DDX11: variants seen among roughly 807,000 people sequenced by gnomAD.
DDX11 encodes ATP-dependent DNA helicase DDX11.
DDX11 carries 72 observed loss-of-function variants against 125.2 expected under a neutral mutation model. The observed-to-expected ratio is 0.58, with a 90% CI of 0.48 to 0.70. The LOEUF (loss-of-function observed/expected upper bound fraction) is 0.70. Among genes scored for constraint, DDX11 ranks in the 30% least tolerant of loss-of-function variants. The probability of loss-of-function intolerance (pLI) is 0.00; values close to 1 mark genes in which losing one functional copy is unlikely to be tolerated. For synonymous variants in DDX11, 347 were observed against 452.6 expected (o/e 0.77, Z 2.96); for missense variants, 883 against 1,165.0 (o/e 0.76, Z 3.52).
intron 18 of DDX11, among the ~76,000 whole-genome samples, chr12:31,098,829 A>G (rs1945797586): frequency 6.6e-6 from 1 of 152,174 alleles, no homozygotes; most frequent in Admixed American, 6.5e-5. Context: ...CCTTCCTGCT[A>G]GCTCAGGTCC....
At chr12:31,090,195 C>T in intron 9 of DDX11, 101 bp downstream of exon 9, 1 of 923,132 alleles carries the variant, frequency 1.1e-6, no homozygotes, top group Non-Finnish European at 1.7e-6. Flanking sequence ...ATGCCCCCCA[C>T]CGTGGTCAGG....
chr12:31,097,927 C>T lies in DDX11; in HGVS notation c.1805C>T (p.Pro602Leu). 1.2e-6 allele frequency: 2 copies of T among 1,613,820 alleles called. No individual in the cohort carries two copies. The highest frequency in any genetic ancestry group is 1.7e-6 in the Non-Finnish European group (2 of 1,179,862). ...QSTLKFLLLN[P>L]AVHFAQVVKE... ...ACCCTGAAGTTTTTGCTCCTGAATCCAGCTGTGCACTTTGCCCAAGTGGTG... is the reference window on the plus strand; with the variant it reads ...ACCCTGAAGTTTTTGCTCCTGAATCTAGCTGTGCACTTTGCCCAAGTGGTG... Residue 602 changes from proline to leucine, a missense_variant, in exon 18 of 27, where the codon CCA becomes CTA. Coordinates refer to ENST00000542838, the MANE Select transcript of DDX11 (RefSeq NM_030653.4).
chr12:31,082,985 C>T (rs868838722), intron 2 of DDX11, among the ~76,000 whole-genome samples: 5 of 152,292 alleles, frequency 3.3e-5, no homozygotes, highest in Middle Eastern at 6.8e-3. Context: ...GGCTGGGTCC[C>T]GTCCTAGTAG....
chr12:31,088,413 G>A (rs1457688323), intron 6 of DDX11, among the ~76,000 whole-genome samples: 1 of 152,080 alleles, frequency 6.6e-6, no homozygotes, highest in African/African-American at 2.4e-5. Context: ...TGGGTGGTAC[G>A]GGTAGGACAG....
chr12:31,092,024 T>C (rs529021905), intron 10 of DDX11, among the ~76,000 whole-genome samples, 153 bp downstream of exon 10: 1 of 152,374 alleles, frequency 6.6e-6, no homozygotes, highest in East Asian at 1.9e-4. Context: ...AGGCTGACCA[T>C]GGCTTTCCAG....
chr12:31,100,322 A>C, intron 18 of DDX11: 1 of 272,124 alleles, frequency 3.7e-6, no homozygotes. Context: ...CTTATTCAGT[A>C]GTTTGGGCTG....
Position 31,087,925 on chromosome 12 carries a change from C to G in DDX11, c.639-13C>G, listed in dbSNP as rs754169819. ...GAGGGAAGACTGTTTTCTGTTCTCT[C>G]TCACACACACAGAGTGGATGAGGAT... On this transcript the variant is annotated splice_polypyrimidine_tract_variant and intron_variant, in intron 5 of 26. Coordinates refer to ENST00000542838, the MANE Select transcript of DDX11 (RefSeq NM_030653.4). 98 of 1,608,346 alleles carry G rather than the reference C, an allele frequency of 6.1e-5. No homozygotes were observed. The highest frequency in any genetic ancestry group is 2.7e-4 in the Admixed American group (16 of 58,732).
chr12:31,077,573 T>C (rs373502811), intron 1 of DDX11, among the ~76,000 whole-genome samples: 53 of 151,168 alleles, frequency 3.5e-4, no homozygotes, highest in East Asian at 2.6e-3. Flanking sequence ...GTAGGCCGGG[T>C]GCGGTGGCTC....
At position 31,085,179 on chromosome 12, in the gene DDX11, A is replaced by C. The variant is rs1294284652; in HGVS notation, c.638+53A>C. ...GCCCCAGGCCAGGGGACACCCTTGA[A>C]GACAGCTCTTTCCCTCATGCCACAG... On this transcript the variant is annotated intron_variant, in intron 5 of 26. Coordinates refer to ENST00000542838, the MANE Select transcript of DDX11 (RefSeq NM_030653.4). The C allele has an allele frequency of 3.3e-6, 5 of 1,537,836 alleles. No individual in the cohort carries two copies. In the African/African-American group the frequency reaches 6.9e-5, roughly 21 times the overall value.
intron 5 of DDX11, chr12:31,085,919 C>T: frequency 2.4e-6 from 1 of 421,230 alleles, no homozygotes; most frequent in South Asian, 1.8e-5. Flanking sequence ...CCCGTGTGTC[C>T]TGTGACATCC....
At chr12:31,081,488 G>A (rs991468083) in intron 2 of DDX11, among the ~76,000 whole-genome samples, 1 of 151,938 alleles carries the variant, frequency 6.6e-6, no homozygotes, top group Non-Finnish European at 1.5e-5. Context: ...ACCACTTGGT[G>A]TGTGCTGTGC....
intron 5 of DDX11, among the ~76,000 whole-genome samples, chr12:31,086,511 T>A (rs1173005125): frequency 6.6e-6 from 1 of 152,028 alleles, no homozygotes; most frequent in Non-Finnish European, 1.5e-5. Flanking sequence ...CGTGTTGCTT[T>A]ATGCCTCGCT....
At position 31,104,549 on chromosome 12, in the gene DDX11, T is replaced by A. The variant is rs939270351; in HGVS notation, c.*713T>A. 1 of 163,078 alleles carries A rather than the reference T, an allele frequency of 6.1e-6. No individual in the cohort carries two copies. The highest frequency in any genetic ancestry group is 2.4e-5 in the African/African-American group (1 of 41,594). The allele number at this position is 163,078 out of a possible 1,614,324, so 10.1% of individuals were successfully genotyped here. ...AGGGCCGTTAGGCTCTCAACATGAC[T>A]ATAGAGACCCCGTGTCATCACGGAG... On this transcript the variant is annotated 3_prime_UTR_variant, in exon 27 of 27. Coordinates refer to ENST00000542838, the MANE Select transcript of DDX11 (RefSeq NM_030653.4).
At chr12:31,089,532 A>G (rs1592683681) in intron 8 of DDX11, 42 bp downstream of exon 8, 2 of 1,581,552 alleles carry the variant, frequency 1.3e-6, no homozygotes, top group Non-Finnish European at 1.7e-6. Context: ...TGGTCTGGAG[A>G]GAGTGAGGCA....
intron 2 of DDX11, among the ~76,000 whole-genome samples, chr12:31,078,823 G>A (rs1941251365): frequency 6.6e-6 from 1 of 152,016 alleles, no homozygotes; most frequent in Non-Finnish European, 1.5e-5. Context: ...GAGTTGCTGG[G>A]ACTACAGGTG....
Position 31,097,964 on chromosome 12 carries a change from G to T in DDX11, c.1842G>T (p.Arg614=). ...TTGCCCAAGTGGTGAAGGAATGCCGGGCAGTGGTCATTGCGGGGGGTACCA... is the reference window on the plus strand; with the variant it reads ...TTGCCCAAGTGGTGAAGGAATGCCGTGCAGTGGTCATTGCGGGGGGTACCA... ...VHFAQVVKEC[R]AVVIAGGTMQ... Residue 614 remains arginine, a synonymous_variant, in exon 18 of 27, where the codon CGG becomes CGT. Transcript: ENST00000542838. 6.2e-7 allele frequency: 1 copy of T among 1,613,880 alleles called. No homozygotes were observed. The highest frequency in any genetic ancestry group is 1.7e-5 in the Admixed American group (1 of 60,018).
intron 18 of DDX11, among the ~76,000 whole-genome samples, chr12:31,099,068 A>ATTTC (rs1319641629): frequency 1.9e-4 from 20 of 105,550 alleles, no homozygotes; most frequent in African/African-American, 2.5e-4. Context: ...CCATACTGGT[A>ATTTC]TTTCTTTCTT....
At chr12:31,080,170 A>G (rs184960731) in intron 2 of DDX11, among the ~76,000 whole-genome samples, 1,764 of 148,190 alleles carry the variant, frequency 0.012, 34 homozygotes, top group African/African-American at 0.043. Flanking sequence ...TCCAGTTGCC[A>G]GCACATCTGT....
rs758908151 is a variant in DDX11 at position 31,096,661 on chromosome 12, G to A, written c.1546G>A (p.Gly516Arg). 15 of 1,613,788 alleles carry A rather than the reference G, an allele frequency of 9.3e-6. No individual in the cohort carries two copies. Among genetic ancestry groups the A allele is most frequent in the East Asian group, 4.5e-5 (2 of 44,876 alleles). ...GCTCTTTGGATTCACTGAACGGTACGGAGCAGTGTTCTCATCCCGGGAGCA... is the reference window on the plus strand; with the variant it reads ...GCTCTTTGGATTCACTGAACGGTACAGAGCAGTGTTCTCATCCCGGGAGCA... ...RKLFGFTERY[G>R]AVFSSREQPK... The change falls in exon 16 of 27, where the codon GGA becomes AGA. Residue 516 changes from glycine (G) to arginine (R), a missense_variant. By Grantham distance (125) the Gly-to-Arg change is moderately radical. Coordinates refer to ENST00000542838, the MANE Select transcript of DDX11 (RefSeq NM_030653.4).
Sources: gnomAD v4.1 joint callset for allele counts (sites outside exome capture counted in the v4.1 genomes callset) on GRCh38, gnomAD v4.1.1 for gene constraint, MANE v1.5 for transcripts, NCBI Gene and HGNC (gene_info 2026-07-23, HGNC 2026-07-21) for gene names.